The following CSNK1A1 variants were observed in gnomAD, a reference collection of about 807,000 sequenced individuals.
CSNK1A1 encodes casein kinase I isoform alpha.
CSNK1A1 carries 7 observed loss-of-function variants against 46.1 expected under a neutral mutation model. The ratio of observed to expected loss-of-function variants is 0.15; its 90% CI spans 0.09 to 0.29. The LOEUF is 0.29. Among genes scored for constraint, CSNK1A1 ranks in the 10% least tolerant of loss-of-function variants. The pLI, the probability that CSNK1A1 is intolerant of heterozygous loss-of-function variation, is 1.00. For missense variants in CSNK1A1, 96 were observed against 417.1 expected (o/e 0.23, Z 6.71); for synonymous variants, 137 against 141.5 (o/e 0.97, Z 0.23).
chr5:149,507,203 T>C, intron 7 of CSNK1A1, 70 bp from the exon 8 acceptor site: 1 of 1,194,990 alleles, frequency 8.4e-7, no homozygotes, highest in Non-Finnish European at 1.2e-6. Context: ...TGCATTTAAG[T>C]ATAAGCAAAA....
chr5:149,533,819 T>C (rs139347397), intron 2 of CSNK1A1, among the ~76,000 whole-genome samples: 4 of 152,138 alleles, frequency 2.6e-5, no homozygotes, highest in African/African-American at 9.7e-5. Context: ...CACTTTTTCA[T>C]TGGGAAGTGG....
At chr5:149,536,826 T>G (rs999541169) in intron 2 of CSNK1A1, among the ~76,000 whole-genome samples, 1 of 152,306 alleles carries the variant, frequency 6.6e-6, no homozygotes, top group East Asian at 1.9e-4. Context: ...AATGGGAAGC[T>G]GGCTAAGTTG....
intron 9 of CSNK1A1, chr5:149,502,269 T>C (rs1194497421): frequency 1.1e-6 from 1 of 942,680 alleles, no homozygotes; most frequent in Non-Finnish European, 1.3e-6. Flanking sequence ...AAAATACACT[T>C]ATGAAACTTA....
intron 9 of CSNK1A1, chr5:149,502,576 G>A: frequency 9.8e-6 from 4 of 406,654 alleles, no homozygotes; most frequent in Non-Finnish European, 1.3e-5. Context: ...GTCTTACTAT[G>A]TGGCCCAGGC....
intron 9 of CSNK1A1, chr5:149,501,111 T>G (rs1412550014): frequency 1.0e-6 from 1 of 985,312 alleles, no homozygotes; most frequent in African/African-American, 1.7e-5. Flanking sequence ...TTCTAACAGT[T>G]GTGCTATCAT....
At chr5:149,510,551 C>T (rs1001589947) in intron 6 of CSNK1A1, among the ~76,000 whole-genome samples, 2 of 152,120 alleles carry the variant, frequency 1.3e-5, no homozygotes, top group South Asian at 2.1e-4. Context: ...GATTATAGCT[C>T]GCTGTAGCCT....
At position 149,493,287 on chromosome 5, in the gene CSNK1A1, T is replaced by G. The variant is rs892158121; in HGVS notation, c.*3566A>C. ...GGTTTCACTATGTTGGCCAGGCTGGTCTTGAACTCCTGCCCACTTCGGCCT... is the reference window on the plus strand; with the variant it reads ...GGTTTCACTATGTTGGCCAGGCTGGGCTTGAACTCCTGCCCACTTCGGCCT... On this transcript the variant is annotated 3_prime_UTR_variant, in exon 10 of 10. Coordinates refer to ENST00000377843, the MANE Select transcript of CSNK1A1 (RefSeq NM_001892.6). 1.3e-5 allele frequency: 2 copies of G among 151,924 alleles called. No homozygotes were observed. The highest frequency in any genetic ancestry group is 2.9e-5 in the Non-Finnish European group (2 of 68,022). The allele number at this position is 151,924 out of a possible 1,614,324, so 9.4% of individuals were successfully genotyped here. A position where few individuals can be genotyped will look rare whatever the true frequency, so the allele number is the denominator to read the frequency against.
chr5:149,503,467 A>G (rs948896558), intron 9 of CSNK1A1: 2 of 985,330 alleles, frequency 2.0e-6, no homozygotes, highest in Non-Finnish European at 2.4e-6. Context: ...TATTTCTAAA[A>G]AGCAGTCAAT....
Position 149,550,872 on chromosome 5 carries a change from G to C in CSNK1A1, c.93C>G (p.Ile31Met). 6.2e-7 allele frequency: 1 copy of C among 1,614,132 alleles called. No individual in the cohort carries two copies. The highest frequency in any genetic ancestry group is 2.2e-5 in the East Asian group (1 of 44,870). The change falls in exon 1 of 10, where the codon ATC becomes ATG. Residue 31 changes from isoleucine to methionine, a missense_variant. Coordinates refer to ENST00000377843, the MANE Select transcript of CSNK1A1 (RefSeq NM_001892.6). This position sits in a 1 kb window ranked among gnomAD's most constrained non-coding sequence, Gnocchi z 4.3. ...CGTTGGTGATGTTGATCGCCAAATA[G>C]ATGTCCCCGAAGGAGCCAGACCCGA... Reference protein sequence around the residue: ...RKIGSGSFGDIYLAINITNGE... With the variant: ...RKIGSGSFGDMYLAINITNGE...
intron 9 of CSNK1A1, chr5:149,498,222 T>C (rs1196908324): frequency 1.0e-6 from 1 of 984,804 alleles, no homozygotes; most frequent in African/African-American, 1.8e-5. Context: ...TATGCATATA[T>C]GCCCCTTTTT....
intron 6 of CSNK1A1, among the ~76,000 whole-genome samples, chr5:149,511,069 T>C (rs942624614): frequency 1.3e-5 from 2 of 152,172 alleles, no homozygotes; most frequent in South Asian, 2.1e-4. Context: ...CTCACACCTG[T>C]AATCCCAGTT....
chr5:149,548,739 C>T (rs960236772), intron 2 of CSNK1A1, among the ~76,000 whole-genome samples: 2 of 152,080 alleles, frequency 1.3e-5, no homozygotes, highest in African/African-American at 2.4e-5. Flanking sequence ...ATCCCAGCTA[C>T]TCAGGAGGCT....
Position 149,527,831 on chromosome 5 carries a change from C to T in CSNK1A1, c.231-2660G>A, listed in dbSNP as rs531386858. ...AGAAAGAGCTAAGGAAGTAAGAAGG[C>T]GCAAAAAGTCAAATAGGCAAAAGGG... is the stretch of plus-strand genomic sequence containing the variant. On this transcript the variant is annotated intron_variant, in intron 2 of 9. Coordinates refer to ENST00000377843, the MANE Select transcript of CSNK1A1 (RefSeq NM_001892.6). Among the ~76,000 whole-genome samples, 5 of 152,096 alleles carry T rather than the reference C, an allele frequency of 3.3e-5. No individual in the cohort carries two copies. In the East Asian group the frequency reaches 5.8e-4, roughly 18 times the overall value.
At chr5:149,512,316 G>GAT (rs1013245554) in intron 5 of CSNK1A1, among the ~76,000 whole-genome samples, 5 of 151,450 alleles carry the variant, frequency 3.3e-5, no homozygotes, top group African/African-American at 7.3e-5. Context: ...TATATATTTA[G>GAT]ATATATATAT....
chr5:149,504,688 T>C, intron 9 of CSNK1A1: 1 of 985,426 alleles, frequency 1.0e-6, no homozygotes, highest in Non-Finnish European at 1.2e-6. Context: ...TACCTTCAAT[T>C]TGCAAGGCCT....
chr5:149,542,603 TA>T (rs1762277801), intron 2 of CSNK1A1, among the ~76,000 whole-genome samples: 1 of 6,058 alleles, frequency 1.7e-4, no homozygotes, highest in African/African-American at 1.3e-3. Context: ...TATATATATA[TA>T]TATATATATA....
At chr5:149,512,982 T>C (rs1761278246) in intron 5 of CSNK1A1, 88 bp downstream of exon 5, 4 of 1,465,860 alleles carry the variant, frequency 2.7e-6, no homozygotes, top group South Asian at 1.3e-5. Flanking sequence ...GAAACATCCT[T>C]AGACATTGTA....
At chr5:149,531,998 C>G (rs1761915452) in intron 2 of CSNK1A1, among the ~76,000 whole-genome samples, 1 of 152,040 alleles carries the variant, frequency 6.6e-6, no homozygotes, top group Admixed American at 6.6e-5. Context: ...ATTCTCATGC[C>G]TCATCCACCT....
At chr5:149,513,473 A>G (rs1761296362) in intron 4 of CSNK1A1, among the ~76,000 whole-genome samples, 1 of 152,196 alleles carries the variant, frequency 6.6e-6, no homozygotes, top group Admixed American at 6.5e-5. Flanking sequence ...TTACATACTC[A>G]GGAACCTGTC....
Sources: allele counts gnomAD v4.1 joint callset (sites outside exome capture counted in the v4.1 genomes callset), GRCh38; gene constraint gnomAD v4.1.1; non-coding constraint Gnocchi (gnomAD v3.1); transcripts MANE v1.5; gene names NCBI Gene and HGNC (gene_info 2026-07-23, HGNC 2026-07-21).